Variants in SNX24 observed in about 807,000 individuals in gnomAD.
SNX24 encodes the protein sorting nexin-24.
A neutral mutation model predicts 28.7 loss-of-function variants in SNX24; 22 were observed. The ratio of observed to expected loss-of-function variants is 0.77; its 90% CI spans 0.55 to 1.10. The LOEUF (loss-of-function observed/expected upper bound fraction) is 1.10, where lower values mean the gene tolerates loss of function less well. Among genes scored for constraint, SNX24 ranks in the 50% least tolerant of loss-of-function variants. The pLI is 0.00. For missense variants in SNX24, 221 were observed against 201.1 expected (o/e 1.10, Z -0.60); for synonymous variants, 69 against 71.5 (o/e 0.96, Z 0.18).
intron 1 of SNX24, among the ~76,000 whole-genome samples, chr5:122,913,983 A>C (rs1196864063): frequency 6.6e-6 from 1 of 152,166 alleles, no homozygotes; most frequent in Non-Finnish European, 1.5e-5. Context: ...GGCGGCGCGC[A>C]CCTGCAATCG....
intron 3 of SNX24, among the ~76,000 whole-genome samples, chr5:122,991,195 C>G (rs1324075907): frequency 1.3e-5 from 2 of 151,962 alleles, no homozygotes; most frequent in South Asian, 2.1e-4. Context: ...CCGTGCCCAG[C>G]CTATGATTGT....
intron 5 of SNX24, chr5:123,022,561 G>T (rs1441368428): frequency 6.6e-6 from 1 of 151,550 alleles, no homozygotes; most frequent in East Asian, 1.9e-4. Context: ...CTACTGACCA[G>T]CACAGAAGTT....
At chr5:122,982,040 C>A (rs188411055) in intron 3 of SNX24, among the ~76,000 whole-genome samples, 101 of 152,294 alleles carry the variant, frequency 6.6e-4, no homozygotes, top group Middle Eastern at 3.4e-3. Context: ...TCTGTTTGTG[C>A]CTTTGTCATT....
chr5:122,966,019 C>A (rs1422326192), intron 3 of SNX24, among the ~76,000 whole-genome samples: 1 of 152,258 alleles, frequency 6.6e-6, no homozygotes, highest in East Asian at 1.9e-4. Context: ...GTACCTCTGG[C>A]ATATCAAAAA....
Position 122,889,610 on chromosome 5 carries a change from C to A in SNX24, c.60+43917C>A, listed in dbSNP as rs1756862245. Among the ~76,000 whole-genome samples the A allele has an allele frequency of 3.5e-5, 3 of 86,616 alleles. No homozygotes were observed. The South Asian group carries it at 1.3e-3, about 39-fold the overall frequency. The allele number at this position is 86,616 out of a possible 152,430, so 56.8% of individuals were successfully genotyped here. On this transcript the variant is annotated intron_variant, in intron 1 of 6. Transcript: ENST00000261369. ...CCGTGTATGTGTATATATATATACACACATATATATATACACATATATATA... is the reference window on the plus strand; with the variant it reads ...CCGTGTATGTGTATATATATATACAAACATATATATATACACATATATATA...
At chr5:122,994,019 C>G (rs1433688303) in intron 3 of SNX24, among the ~76,000 whole-genome samples, 3 of 151,990 alleles carry the variant, frequency 2.0e-5, no homozygotes, top group African/African-American at 7.2e-5. Flanking sequence ...TTATAACAAC[C>G]CTGATAGACA....
chr5:123,006,330 A>T (rs939506570), intron 6 of SNX24, among the ~76,000 whole-genome samples: 1 of 151,898 alleles, frequency 6.6e-6, no homozygotes, highest in African/African-American at 2.4e-5. Context: ...GGCATCCTTG[A>T]CTTCACCCCT....
chr5:123,026,253 A>G (rs772305649), intron 5 of SNX24, among the ~76,000 whole-genome samples: 3 of 152,208 alleles, frequency 2.0e-5, no homozygotes, highest in Non-Finnish European at 4.4e-5. Context: ...AAGCAGGTCC[A>G]TGACTTCGCT....
intron 1 of SNX24, among the ~76,000 whole-genome samples, chr5:122,928,234 C>T (rs569944133): frequency 5.3e-5 from 8 of 152,216 alleles, no homozygotes; most frequent in Admixed American, 3.9e-4. Context: ...CTGCCTGGAC[C>T]AACCTCCTCC....
At chr5:123,027,808 C>G (rs1341397094) in intron 5 of SNX24, among the ~76,000 whole-genome samples, 1 of 151,954 alleles carries the variant, frequency 6.6e-6, no homozygotes, top group Non-Finnish European at 1.5e-5. Flanking sequence ...AATCTTAAAT[C>G]TAAAGTAAAT....
At chr5:123,028,778 C>A (rs1762899656) in intron 5 of SNX24, 1 of 1,610,192 alleles carries the variant, frequency 6.2e-7, no homozygotes, top group South Asian at 1.1e-5. Context: ...ACGTTACCCC[C>A]AGTGCCATCT....
intron 1 of SNX24, 128 bp downstream of exon 1, chr5:122,845,821 C>G: frequency 6.4e-6 from 3 of 466,724 alleles, no homozygotes; most frequent in Non-Finnish European, 3.4e-6. Flanking sequence ...CTCCCCCGGC[C>G]CAGAGGAAGG....
chr5:122,987,552 T>C (rs540895437), intron 3 of SNX24, among the ~76,000 whole-genome samples: 1 of 152,306 alleles, frequency 6.6e-6, no homozygotes, highest in East Asian at 1.9e-4. Context: ...GAGGCATGAA[T>C]GAGAGATTGC....
intron 3 of SNX24, among the ~76,000 whole-genome samples, chr5:122,959,562 C>T (rs1209022763): frequency 6.6e-6 from 1 of 152,002 alleles, no homozygotes; most frequent in Non-Finnish European, 1.5e-5. Flanking sequence ...TATCTTCATG[C>T]AGCTTTTGTG....
intron 3 of SNX24, among the ~76,000 whole-genome samples, chr5:122,952,440 G>A (rs577956056): frequency 5.3e-5 from 8 of 152,230 alleles, no homozygotes; most frequent in Non-Finnish European, 8.8e-5. Flanking sequence ...AACCCCCTTC[G>A]CACTCACCCC....
In SNX24 at chr5:122,935,387, A is replaced by T. The variant is rs529824610; in HGVS notation, c.61-1347A>T. 5.3e-4 allele frequency among the ~76,000 whole-genome samples: 81 copies of T among 152,286 alleles called. No homozygotes were observed. The South Asian group carries it at 0.017, about 32-fold the overall frequency. On this transcript the variant is annotated intron_variant, in intron 1 of 6. Coordinates refer to ENST00000261369, the MANE Select transcript of SNX24 (RefSeq NM_014035.4). ...ACAGATTTTTTTTTTCCTAAAAAAA[A>T]TCTAAGAATATCTGAGAGTTTGAAG...
chr5:122,947,139 AAG>A (rs1167693294), intron 3 of SNX24, among the ~76,000 whole-genome samples: 22 of 152,220 alleles, frequency 1.4e-4, no homozygotes, highest in African/African-American at 5.3e-4. Flanking sequence ...TGACCCATCT[AAG>A]ACACGTTACA....
chr5:122,980,675 G>A (rs62377392), intron 3 of SNX24, among the ~76,000 whole-genome samples: 4 of 150,476 alleles, frequency 2.7e-5, no homozygotes, highest in Non-Finnish European at 5.9e-5. Context: ...GTGCTCAGTC[G>A]GGTGTGTGCC....
At position 122,888,559 on chromosome 5, in the gene SNX24, A is replaced by T. The variant is rs549934296; in HGVS notation, c.60+42866A>T. On this transcript the variant is annotated intron_variant, in intron 1 of 6. Coordinates refer to ENST00000261369, the MANE Select transcript of SNX24 (RefSeq NM_014035.4). ...ATAAGCACTTCATAAATTCTGACAA[A>T]TATATTCAGAATATTGCAGATCCAG... is the stretch of plus-strand genomic sequence containing the variant. Among the ~76,000 whole-genome samples, 5 of 152,320 alleles carry T rather than the reference A, an allele frequency of 3.3e-5. No homozygotes were observed. The South Asian group carries it at 1.0e-3, about 32-fold the overall frequency.
Sources: gnomAD v4.1 joint callset for allele counts (sites outside exome capture counted in the v4.1 genomes callset) on GRCh38, gnomAD v4.1.1 for gene constraint, MANE v1.5 for transcripts, NCBI Gene and HGNC (gene_info 2026-07-23, HGNC 2026-07-21) for gene names.